The following PDE1A variants were observed in gnomAD, a reference collection of about 807,000 sequenced individuals.
PDE1A encodes the protein phosphodiesterase 1A, also known as dual specificity calcium/calmodulin-dependent 3',5'-cyclic nucleotide phosphodiesterase 1A.
Under a neutral mutation model 61.7 loss-of-function variants are expected in PDE1A, and 35 were observed. The observed-to-expected ratio is 0.57, with a 90% CI of 0.43 to 0.75. PDE1A has a LOEUF of 0.75. PDE1A is among the 30% of genes least tolerant of loss of function. The pLI, the probability that PDE1A is intolerant of heterozygous loss-of-function variation, is 0.00. For synonymous variants in PDE1A, 232 were observed against 213.2 expected, an observed-to-expected ratio of 1.09 and a Z score of -0.77; for missense variants, 597 against 630.6, an observed-to-expected ratio of 0.95 and a Z score of 0.57.
intron 2 of PDE1A, among the ~76,000 whole-genome samples, chr2:182,440,617 A>G (rs538353909): frequency 1.3e-5 from 2 of 152,214 alleles, no homozygotes; most frequent in South Asian, 2.1e-4. Flanking sequence ...ATACTTTTCT[A>G]TTGAGAAATG....
intron 1 of PDE1A, among the ~76,000 whole-genome samples, chr2:182,340,905 A>G (rs1698140901): frequency 6.6e-6 from 1 of 152,146 alleles, no homozygotes. Flanking sequence ...TCTCATTTGT[A>G]AAATGGAGAG....
the PDE1A span, among the ~76,000 whole-genome samples, chr2:182,670,001 G>A: frequency 2.0e-5 from 3 of 152,322 alleles, no homozygotes; most frequent in Non-Finnish European, 2.9e-5. Context: ...AGGGATGATG[G>A]TGTTAAGTAA....
chr2:182,650,498 C>T, the PDE1A span, among the ~76,000 whole-genome samples: 2 of 152,158 alleles, frequency 1.3e-5, no homozygotes, highest in Non-Finnish European at 2.9e-5. Flanking sequence ...CTCCTATATA[C>T]ATTTCATGTG....
downstream of PDE1A, among the ~76,000 whole-genome samples, chr2:182,146,041 G>T (rs544727144): frequency 2.4e-4 from 36 of 152,232 alleles, no homozygotes; most frequent in Middle Eastern, 0.014. Flanking sequence ...ATAACACTTG[G>T]ATTTTGTTCT....
At chr2:182,680,206 T>G in the PDE1A span, among the ~76,000 whole-genome samples, 2 of 151,732 alleles carry the variant, frequency 1.3e-5, no homozygotes, top group Non-Finnish European at 2.9e-5. Flanking sequence ...TCAAAAACTT[T>G]ATCAGCGACT....
At chr2:182,289,079 C>T (rs1004812677) in intron 1 of PDE1A, among the ~76,000 whole-genome samples, 3 of 148,810 alleles carry the variant, frequency 2.0e-5, no homozygotes, top group African/African-American at 7.3e-5. Context: ...TTTAGAGTTC[C>T]CTGGACCTTT....
chr2:182,330,686 G>A (rs1196018787), intron 1 of PDE1A, among the ~76,000 whole-genome samples: 1 of 151,904 alleles, frequency 6.6e-6, no homozygotes, highest in African/African-American at 2.4e-5. Context: ...TCTAGAAAGG[G>A]GTCTCTCAAA....
the PDE1A span, among the ~76,000 whole-genome samples, chr2:182,531,115 AG>A: frequency 6.6e-6 from 1 of 152,072 alleles, no homozygotes; most frequent in African/African-American, 2.4e-5. Flanking sequence ...TATCAAAAAT[AG>A]CTATTTAAAC....
At chr2:182,410,066 C>T (rs1440355892) in intron 1 of PDE1A, among the ~76,000 whole-genome samples, 2 of 152,012 alleles carry the variant, frequency 1.3e-5, no homozygotes, top group African/African-American at 4.8e-5. Context: ...AAAATGCATC[C>T]ACAGGCCAGA....
chr2:182,484,338 T>C (rs373730445), intron 2 of PDE1A, among the ~76,000 whole-genome samples: 2 of 151,838 alleles, frequency 1.3e-5, no homozygotes, highest in South Asian at 4.1e-4. Flanking sequence ...ACTAAAATAG[T>C]AACAAACATT....
the PDE1A span, among the ~76,000 whole-genome samples, chr2:182,595,013 T>C: frequency 6.6e-6 from 1 of 152,220 alleles, no homozygotes; most frequent in Non-Finnish European, 1.5e-5. Flanking sequence ...GCATAGTTAG[T>C]GGTACACATT....
intron 1 of PDE1A, among the ~76,000 whole-genome samples, chr2:182,412,283 TTA>T (rs1702663002): frequency 1.3e-5 from 2 of 152,154 alleles, no homozygotes; most frequent in African/African-American, 4.8e-5. Context: ...ATCCAAATTT[TTA>T]GTTTCCAGAA....
At chr2:182,558,861 A>C in the PDE1A span, among the ~76,000 whole-genome samples, 3 of 152,206 alleles carry the variant, frequency 2.0e-5, no homozygotes, top group Admixed American at 2.0e-4. Context: ...ATGTCTGCAG[A>C]TCAGAATGTG....
At chr2:182,347,515 A>G (rs566530815) in intron 1 of PDE1A, among the ~76,000 whole-genome samples, 1 of 152,108 alleles carries the variant, frequency 6.6e-6, no homozygotes, top group Non-Finnish European at 1.5e-5. Context: ...CTTTAATAAC[A>G]TACTTTCTTT....
chr2:182,693,107 A>G, the PDE1A span, among the ~76,000 whole-genome samples: 3 of 152,156 alleles, frequency 2.0e-5, no homozygotes, highest in African/African-American at 7.2e-5. Context: ...ATAAAAATAG[A>G]TAAGCAACTA....
intron 1 of PDE1A, among the ~76,000 whole-genome samples, chr2:182,321,486 A>T (rs1696687304): frequency 6.6e-6 from 1 of 152,174 alleles, no homozygotes. Flanking sequence ...AGGCACTGTT[A>T]ATAATGAGTT....
At chr2:182,174,810 A>T (rs1457282136) in intron 13 of PDE1A, among the ~76,000 whole-genome samples, 1 of 152,050 alleles carries the variant, frequency 6.6e-6, no homozygotes, top group African/African-American at 2.4e-5. Flanking sequence ...TTTGTTACAG[A>T]GGTACACACG....
intron 2 of PDE1A, among the ~76,000 whole-genome samples, chr2:182,519,858 T>G (rs1016770771): frequency 6.6e-6 from 1 of 151,874 alleles, no homozygotes; most frequent in Non-Finnish European, 1.5e-5. Context: ...ACCTTAAAAT[T>G]TACATACTGG....
chr2:182,248,378 T>TACA (rs10626467), intron 2 of PDE1A, among the ~76,000 whole-genome samples: 1 of 151,728 alleles, frequency 6.6e-6, no homozygotes, highest in Non-Finnish European at 1.5e-5. Context: ...TGGTGTTTGA[T>TACA]ACTTTAGTTT....
Sources: allele counts gnomAD v4.1 joint callset (sites outside exome capture counted in the v4.1 genomes callset), GRCh38; gene constraint gnomAD v4.1.1; transcripts MANE v1.5; gene names NCBI Gene and HGNC (gene_info 2026-07-23, HGNC 2026-07-21).